Variants in GRB14 observed in about 807,000 individuals in gnomAD.
GRB14 encodes growth factor receptor bound protein 14, also known as growth factor receptor-bound protein 14.
In GRB14, 38 loss-of-function variants were observed where a neutral mutation model predicts 69.1. That is an observed-to-expected ratio of 0.55 (90% confidence interval 0.42 to 0.72). The LOEUF is 0.72. Ranked by LOEUF, GRB14 falls within the 30% of genes least tolerant of loss-of-function variation. The pLI, the probability that GRB14 is intolerant of heterozygous loss-of-function variation, is 0.00. For missense variants in GRB14, 666 were observed against 666.1 expected (o/e 1.00, Z 0.00); for synonymous variants, 247 against 241.3 (o/e 1.02, Z -0.22).
chr2:164,515,200 C>T (rs2105274807), intron 6 of GRB14, among the ~76,000 whole-genome samples: 1 of 152,296 alleles, frequency 6.6e-6, no homozygotes, highest in East Asian at 1.9e-4. Flanking sequence ...CCTCCTTGTA[C>T]TACTGCAGCT....
chr2:164,496,157 T>C (rs3791355), intron 12 of GRB14, among the ~76,000 whole-genome samples: 18,027 of 152,206 alleles, frequency 0.12, 1,403 homozygotes, highest in East Asian at 0.34. Flanking sequence ...CAAATTTCAG[T>C]ATTAAATCAC....
At position 164,547,948 on chromosome 2, in the gene GRB14, T is replaced by C. The variant is rs1688428139; in HGVS notation, c.325-132A>G. The C allele has an allele frequency of 8.8e-6, 5 of 569,218 alleles. No homozygotes were observed. The East Asian group carries it at 1.2e-4, about 14-fold the overall frequency. The allele number at this position is 569,218 out of a possible 1,614,324, so 35.3% of individuals were successfully genotyped here. On this transcript the variant is annotated intron_variant, in intron 2 of 13. Transcript: ENST00000263915. ...ATAAATAAATAGCAAAATGGTTATA[T>C]AGTAAAACAAATTAACATGTCTATC...
At chr2:164,502,181 T>C in intron 9 of GRB14, 74 bp downstream of exon 9, 1 of 713,632 alleles carries the variant, frequency 1.4e-6, no homozygotes, top group South Asian at 1.8e-5. Context: ...TATAAGATAC[T>C]GTTATGTAGT....
In GRB14 at chr2:164,621,275, G is replaced by T; in HGVS notation, c.35C>A (p.Ala12Glu). The T allele has an allele frequency of 7.8e-7, 1 of 1,284,166 alleles. No individual in the cohort carries two copies. The highest frequency in any genetic ancestry group is 9.9e-7 in the Non-Finnish European group (1 of 1,015,198). The allele number at this position is 1,284,166 out of a possible 1,614,324, so 79.5% of individuals were successfully genotyped here. Residue 12 changes from alanine to glutamate, a missense_variant, in exon 1 of 14, where the codon GCG becomes GAG. By Grantham distance (107) the Ala-to-Glu change is moderately radical (BLOSUM62 -1). Coordinates refer to ENST00000263915, the MANE Select transcript of GRB14 (RefSeq NM_004490.3). This position sits in a 1 kb window ranked among gnomAD's most constrained non-coding sequence, Gnocchi z 6.0. ...CGAATCCCGGGCAGCCGCCCTGCTC[G>T]CGGCGCTCTGCCCATCTTGCAGGGA... ...TTSLQDGQSA[A>E]SRAAARDSPL...
At chr2:164,498,332 C>A (rs966511863) in intron 9 of GRB14, among the ~76,000 whole-genome samples, 10 of 152,044 alleles carry the variant, frequency 6.6e-5, no homozygotes, top group African/African-American at 2.4e-4. Flanking sequence ...TATTTATATT[C>A]TTTGAGTTGA....
chr2:164,536,769 T>G (rs1329891675), intron 3 of GRB14, among the ~76,000 whole-genome samples: 2 of 152,236 alleles, frequency 1.3e-5, no homozygotes, highest in African/African-American at 4.8e-5. Flanking sequence ...CCTTTTATAC[T>G]GAGGTTTTAC....
chr2:164,576,073 A>C (rs538508503), intron 2 of GRB14, among the ~76,000 whole-genome samples: 1 of 152,056 alleles, frequency 6.6e-6, no homozygotes, highest in Non-Finnish European at 1.5e-5. Context: ...AAATAGGACA[A>C]ATAAAAATAA....
At chr2:164,503,262 C>A (rs1687110776) in intron 8 of GRB14, among the ~76,000 whole-genome samples, 2 of 150,610 alleles carry the variant, frequency 1.3e-5, no homozygotes, top group African/African-American at 2.4e-5. Flanking sequence ...TTTCATAGAG[C>A]CATAATGAAC....
At chr2:164,530,812 T>C (rs911374172) in intron 3 of GRB14, among the ~76,000 whole-genome samples, 1 of 152,180 alleles carries the variant, frequency 6.6e-6, no homozygotes, top group African/African-American at 2.4e-5. Flanking sequence ...GGCTAGGCTT[T>C]TCCTCTGTGT....
intron 2 of GRB14, among the ~76,000 whole-genome samples, chr2:164,554,278 T>C (rs982608585): frequency 2.0e-5 from 3 of 152,174 alleles, no homozygotes; most frequent in Non-Finnish European, 4.4e-5. Context: ...TATTATACAT[T>C]TCTTTAATAA....
chr2:164,547,883 T>C, intron 2 of GRB14, 67 bp from the exon 3 acceptor site: 1 of 1,140,956 alleles, frequency 8.8e-7, no homozygotes, highest in African/African-American at 1.6e-5. Flanking sequence ...AATTTTATTG[T>C]ATATATTTAA....
intron 6 of GRB14, among the ~76,000 whole-genome samples, chr2:164,517,931 A>G (rs761895028): frequency 2.6e-5 from 4 of 152,198 alleles, no homozygotes; most frequent in Non-Finnish European, 5.9e-5. Flanking sequence ...GGGGATTTTA[A>G]TACTCCACTA....
chr2:164,502,103 T>G, intron 9 of GRB14, 152 bp downstream of exon 9: 1 of 422,190 alleles, frequency 2.4e-6, no homozygotes, highest in African/African-American at 2.0e-5. Flanking sequence ...AAATAAAAAA[T>G]TCAATGTAAC....
intron 9 of GRB14, among the ~76,000 whole-genome samples, chr2:164,499,556 AC>A (rs1686997055): frequency 6.6e-6 from 1 of 152,140 alleles, no homozygotes. Flanking sequence ...TATTTCTCCA[AC>A]ACTTCTCCCC....
intron 2 of GRB14, among the ~76,000 whole-genome samples, chr2:164,561,911 G>T (rs1313041691): frequency 2.0e-5 from 3 of 152,068 alleles, no homozygotes; most frequent in African/African-American, 7.2e-5. Context: ...GCTAGATAAA[G>T]GTAATGAAAA....
chr2:164,616,291 T>C (rs1467042586), intron 2 of GRB14, among the ~76,000 whole-genome samples: 1 of 151,862 alleles, frequency 6.6e-6, no homozygotes, highest in African/African-American at 2.4e-5. Context: ...CTGGGCGTGG[T>C]GGCAGGCACC....
intron 4 of GRB14, among the ~76,000 whole-genome samples, chr2:164,526,349 G>T (rs1687773448): frequency 6.6e-6 from 1 of 151,926 alleles, no homozygotes; most frequent in African/African-American, 2.4e-5. Context: ...AGGCTATTCT[G>T]ACTTTTCTAG....
chr2:164,568,318 T>C, intron 2 of GRB14: 2 of 1,288,032 alleles, frequency 1.6e-6, no homozygotes, highest in Non-Finnish European at 2.0e-6. Context: ...CACATACCCT[T>C]TTCTGTAGAA....
chr2:164,586,251 T>G (rs955335093), intron 2 of GRB14, among the ~76,000 whole-genome samples: 1 of 152,154 alleles, frequency 6.6e-6, no homozygotes, highest in Non-Finnish European at 1.5e-5. Context: ...AAGGAATATA[T>G]AGAGAATAGT....
Sources: gnomAD v4.1 joint callset for allele counts (sites outside exome capture counted in the v4.1 genomes callset) on GRCh38, gnomAD v4.1.1 for gene constraint, Gnocchi (gnomAD v3.1) non-coding constraint, MANE v1.5 for transcripts, NCBI Gene and HGNC (gene_info 2026-07-23, HGNC 2026-07-21) for gene names.